The following BSPRY variants were observed in gnomAD, a reference collection of about 807,000 sequenced individuals.
The protein encoded by BSPRY is B box and SPRY domain-containing protein.
Under a neutral mutation model 38.0 loss-of-function variants are expected in BSPRY, and 33 were observed. The ratio of observed to expected loss-of-function variants is 0.87; its 90% CI spans 0.66 to 1.16. BSPRY has a LOEUF of 1.16. Ranked by LOEUF, BSPRY falls within the 50% of genes most tolerant of loss-of-function variation. The pLI, the probability that BSPRY is intolerant of heterozygous loss-of-function variation, is 0.00. For missense variants in BSPRY, 523 were observed against 533.2 expected (o/e 0.98, Z 0.19); for synonymous variants, 224 against 228.5 (o/e 0.98, Z 0.18).
chr9:113,352,171 A>G (rs1226115236), intron 1 of BSPRY, among the ~76,000 whole-genome samples: 1 of 152,170 alleles, frequency 6.6e-6, no homozygotes, highest in Non-Finnish European at 1.5e-5. Context: ...TTTGAGAGCC[A>G]TGAACTGCTG....
intron 1 of BSPRY, among the ~76,000 whole-genome samples, chr9:113,352,054 G>T (rs535422890): frequency 3.3e-5 from 5 of 151,930 alleles, no homozygotes; most frequent in Non-Finnish European, 5.9e-5. Context: ...CAGGTGATCC[G>T]CCCACCTCAG....
At position 113,365,802 on chromosome 9, in the gene BSPRY, CTTTTTT is replaced by C. The variant is rs139762130; in HGVS notation, c.558-2442_558-2437del. ...GATGCATGAGTTTGTGTCACAGCTT[CTTTTTT>C]TTTTTTTTTTTTTTGAGATGGAGTC... On this transcript the variant is annotated intron_variant, in intron 4 of 5. Coordinates refer to ENST00000374183, the MANE Select transcript of BSPRY (RefSeq NM_017688.3). Among the ~76,000 whole-genome samples, 3 of 106,746 alleles carry C rather than the reference CTTTTTT, an allele frequency of 2.8e-5. No individual in the cohort carries two copies. In the East Asian group the frequency reaches 8.7e-4, roughly 31 times the overall value. The allele number at this position is 106,746 out of a possible 152,430, so 70.0% of individuals were successfully genotyped here.
chr9:113,369,339 T>C (rs1834302134), intron 5 of BSPRY, among the ~76,000 whole-genome samples: 1 of 152,240 alleles, frequency 6.6e-6, no homozygotes, highest in African/African-American at 2.4e-5. Context: ...GAGTTTACAG[T>C]TGAGGGTCTT....
At chr9:113,354,644 C>T (rs1216410353) in intron 2 of BSPRY, among the ~76,000 whole-genome samples, 1 of 152,158 alleles carries the variant, frequency 6.6e-6, no homozygotes, top group Non-Finnish European at 1.5e-5. Context: ...ATAAAATAAC[C>T]TAGGACTTTT....
intron 4 of BSPRY, among the ~76,000 whole-genome samples, chr9:113,364,994 A>G (rs1278671799): frequency 1.4e-5 from 2 of 142,424 alleles, no homozygotes; most frequent in Non-Finnish European, 3.1e-5. Flanking sequence ...GGCCAGTTTT[A>G]TAGGATCTCC....
chr9:113,363,134 A>G (rs1312699381), intron 4 of BSPRY, among the ~76,000 whole-genome samples: 1 of 152,232 alleles, frequency 6.6e-6, no homozygotes, highest in African/African-American at 2.4e-5. Flanking sequence ...ATCCACCAAT[A>G]TAAAGCCATT....
At chr9:113,349,909 G>T in intron 1 of BSPRY, 129 bp downstream of exon 1, 1 of 1,157,960 alleles carries the variant, frequency 8.6e-7, no homozygotes, top group Non-Finnish European at 1.1e-6. Flanking sequence ...TAGGCTCCTC[G>T]GTGGCTTTGG....
At chr9:113,357,631 G>A (rs374140591) in intron 2 of BSPRY, among the ~76,000 whole-genome samples, 86 of 152,040 alleles carry the variant, frequency 5.7e-4, no homozygotes, top group Non-Finnish European at 1.1e-3. Context: ...AGTTGCCACA[G>A]GTTTGACTGT....
At chr9:113,366,330 T>A (rs964819991) in intron 4 of BSPRY, among the ~76,000 whole-genome samples, 2 of 152,260 alleles carry the variant, frequency 1.3e-5, no homozygotes, top group African/African-American at 4.8e-5. Flanking sequence ...TAGTTCTTTA[T>A]GCCCCCAGGC....
intron 4 of BSPRY, 111 bp from the exon 5 acceptor site, chr9:113,368,148 T>C: frequency 3.6e-6 from 5 of 1,389,680 alleles, no homozygotes; most frequent in Non-Finnish European, 4.0e-6. Context: ...CTGCCAATCT[T>C]GGTATCGCCT....
intron 1 of BSPRY, among the ~76,000 whole-genome samples, chr9:113,350,060 A>G (rs931562192): frequency 1.3e-5 from 2 of 152,200 alleles, no homozygotes; most frequent in Non-Finnish European, 2.9e-5. Context: ...AATAGCGCGT[A>G]TTTATTAGAG....
At chr9:113,365,293 T>C (rs539401191) in intron 4 of BSPRY, among the ~76,000 whole-genome samples, 1 of 152,320 alleles carries the variant, frequency 6.6e-6, no homozygotes, top group African/African-American at 2.4e-5. Flanking sequence ...TAGCATCCAT[T>C]GGTCACTCCT....
At chr9:113,368,625 A>G (rs188585435) in intron 5 of BSPRY, among the ~76,000 whole-genome samples, 13 of 152,334 alleles carry the variant, frequency 8.5e-5, no homozygotes, top group South Asian at 2.1e-4. Context: ...TCTCATTCCT[A>G]TAAGTCATGT....
In BSPRY at chr9:113,349,758, A is replaced by G; in HGVS notation, c.179A>G (p.Glu60Gly). 2.4e-6 allele frequency: 3 copies of G among 1,235,304 alleles called. No individual in the cohort carries two copies. Among genetic ancestry groups the G allele is most frequent in the Non-Finnish European group, 2.0e-6 (2 of 990,324 alleles). The allele number at this position is 1,235,304 out of a possible 1,614,324, so 76.5% of individuals were successfully genotyped here. A position where few individuals can be genotyped will look rare whatever the true frequency, so the allele number is the denominator to read the frequency against. Residue 60 changes from glutamate to glycine, a missense_variant, in exon 1 of 6, where the codon GAG becomes GGG. Coordinates refer to ENST00000374183, the MANE Select transcript of BSPRY (RefSeq NM_017688.3). ...RCRGHRIRRA[E>G]ERAEELRNKI... ...CGGGGGCACCGCATCCGCCGGGCGG[A>G]GGAGCGCGCCGAGGAGCTGCGGGTG...
chr9:113,350,183 A>T lies in BSPRY; in HGVS notation c.201+403A>T, dbSNP rs912247. Among the ~76,000 whole-genome samples the T allele has an allele frequency of 4.6e-5, 7 of 152,116 alleles. No homozygotes were observed. The South Asian group carries it at 6.2e-4, about 14-fold the overall frequency. On this transcript the variant is annotated intron_variant, in intron 1 of 5. Transcript: ENST00000374183. ...AAGCTGGGGCTGGCATGAAAGGCTCAGCTGCTCCAGTTCTCAGCGCAGGGT... is the reference window on the plus strand; with the variant it reads ...AAGCTGGGGCTGGCATGAAAGGCTCTGCTGCTCCAGTTCTCAGCGCAGGGT...
In BSPRY at chr9:113,368,389, G is replaced by C. The variant is rs1211895216; in HGVS notation, c.682+6G>C. On this transcript the variant is annotated splice_donor_region_variant and intron_variant, in intron 5 of 5. Transcript: ENST00000374183. ...GGTTCTTGGGTCTCTCTCAGGTTAGGAGCAGTAGAGCCCAGGACCATTAGG... is the reference window on the plus strand; with the variant it reads ...GGTTCTTGGGTCTCTCTCAGGTTAGCAGCAGTAGAGCCCAGGACCATTAGG... 4 of 1,613,962 alleles carry C rather than the reference G, an allele frequency of 2.5e-6. No homozygotes were observed. Among genetic ancestry groups the C allele is most frequent in the Non-Finnish European group, 3.4e-6 (4 of 1,179,956 alleles).
In BSPRY at chr9:113,355,287, G is replaced by A. The variant is rs112867447; in HGVS notation, c.300+949G>A. Among the ~76,000 whole-genome samples the A allele has an allele frequency of 8.8e-4, 134 of 152,244 alleles. 1 individual carries two copies. The highest frequency in any genetic ancestry group is 2.9e-3 in the African/African-American group (121 of 41,544). On this transcript the variant is annotated intron_variant, in intron 2 of 5. Coordinates refer to ENST00000374183, the MANE Select transcript of BSPRY (RefSeq NM_017688.3). ...CCTCCCTCCTTTCCCTATAGTACAC[G>A]GAACAGACTTGGTACCACATTAGTC...
chr9:113,354,754 C>G (rs10759641), intron 2 of BSPRY, among the ~76,000 whole-genome samples: 65,382 of 152,088 alleles, frequency 0.43, 15,150 homozygotes, highest in South Asian at 0.56. Context: ...AAGAGGTTAA[C>G]TGACCTGTCC....
intron 4 of BSPRY, among the ~76,000 whole-genome samples, chr9:113,366,346 G>A (rs910873745): frequency 5.9e-5 from 9 of 152,212 alleles, no homozygotes; most frequent in African/African-American, 1.7e-4. Context: ...CAGGCTGAGC[G>A]AATATACTCT....
Sources: gnomAD v4.1 joint callset for allele counts (sites outside exome capture counted in the v4.1 genomes callset) on GRCh38, gnomAD v4.1.1 for gene constraint, MANE v1.5 for transcripts, NCBI Gene and HGNC (gene_info 2026-07-23, HGNC 2026-07-21) for gene names.